The following GALK2 variants were observed in gnomAD, a reference collection of about 807,000 sequenced individuals.
GALK2 encodes N-acetylgalactosamine kinase.
A neutral mutation model predicts 52.4 loss-of-function variants in GALK2; 36 were observed. The ratio of observed to expected loss-of-function variants is 0.69; its 90% CI spans 0.53 to 0.91. The LOEUF (loss-of-function observed/expected upper bound fraction) is 0.91, where lower values mean the gene tolerates loss of function less well. Among genes scored for constraint, GALK2 ranks in the 40% least tolerant of loss-of-function variants. GALK2 has a pLI of 0.00. For missense variants in GALK2, 579 were observed against 559.1 expected, an observed-to-expected ratio of 1.04 and a Z score of -0.36; for synonymous variants, 176 against 199.1, an observed-to-expected ratio of 0.88 and a Z score of 0.98.
At chr15:49,237,753 G>T (rs1229754541) in intron 4 of GALK2, among the ~76,000 whole-genome samples, 1 of 152,130 alleles carries the variant, frequency 6.6e-6, no homozygotes, top group Non-Finnish European at 1.5e-5. Flanking sequence ...GGGATTGCAG[G>T]TGTGAGCCAC....
At chr15:49,257,798 C>T (rs1262441889) in intron 5 of GALK2, among the ~76,000 whole-genome samples, 1 of 151,652 alleles carries the variant, frequency 6.6e-6, no homozygotes, top group Non-Finnish European at 1.5e-5. Context: ...CTTAATAACC[C>T]TAGGTTTTTC....
At chr15:49,289,908 T>A (rs2033766685) in intron 7 of GALK2, among the ~76,000 whole-genome samples, 1 of 152,206 alleles carries the variant, frequency 6.6e-6, no homozygotes, top group African/African-American at 2.4e-5. Context: ...TGTTGCCTGC[T>A]TTTTTGTCCA....
At chr15:49,301,970 C>T (rs1180235914) in intron 8 of GALK2, among the ~76,000 whole-genome samples, 4 of 152,198 alleles carry the variant, frequency 2.6e-5, no homozygotes, top group African/African-American at 9.6e-5. Context: ...ATAGTTCCCA[C>T]GTGACCATTT....
At chr15:49,216,468 G>A (rs1041708729) in intron 2 of GALK2, among the ~76,000 whole-genome samples, 12 of 152,212 alleles carry the variant, frequency 7.9e-5, no homozygotes, top group African/African-American at 2.9e-4. Flanking sequence ...TGCACTTCCT[G>A]GAGTTGGGTG....
intron 5 of GALK2, among the ~76,000 whole-genome samples, chr15:49,272,772 T>C (rs2030914227): frequency 6.6e-6 from 1 of 152,148 alleles, no homozygotes; most frequent in African/African-American, 2.4e-5. Context: ...AAACCTATCA[T>C]AGACATTTCC....
rs1387706424 is a variant in GALK2, at chr15:49,170,264, G to A, written c.-59G>A. 1 of 1,552,698 alleles carries A rather than the reference G, an allele frequency of 6.4e-7. No individual in the cohort carries two copies. Among genetic ancestry groups the A allele is most frequent in the East Asian group, 2.4e-5 (1 of 41,322 alleles). ...CTCCTGTCACAGAAGTCTCGTGATT[G>A]CTCTGGGAGCTTTGCTTAGACACTT... On this transcript the variant is annotated 5_prime_UTR_variant, in exon 1 of 10. Transcript: ENST00000560031.
chr15:49,282,050 G>A lies in GALK2; in HGVS notation c.568G>A (p.Asp190Asn). 6.2e-7 allele frequency: 1 copy of A among 1,613,740 alleles called. No homozygotes were observed. Among genetic ancestry groups the A allele is most frequent in the South Asian group, 1.1e-5 (1 of 91,022 alleles). Residue 190 changes from aspartate (D) to asparagine (N), a missense_variant, in exon 6 of 10, where the codon GAC (aspartate) becomes AAC (asparagine). By Grantham distance (23) the Asp-to-Asn change is conservative (BLOSUM62 1). Transcript: ENST00000560031. The part of the protein sequence containing the change: ...RYIGTEGGGM[D>N]QSISFLAEEG... ...CATTGGCACTGAAGGAGGAGGCATGGACCAGTCTATATCATTTCTTGCAGA... is the reference window on the plus strand; with the variant it reads ...CATTGGCACTGAAGGAGGAGGCATGAACCAGTCTATATCATTTCTTGCAGA...
intron 1 of GALK2, among the ~76,000 whole-genome samples, chr15:49,162,058 A>G (rs2084669592): frequency 6.6e-6 from 1 of 152,196 alleles, no homozygotes; most frequent in Admixed American, 6.5e-5. Flanking sequence ...ATATGTATAC[A>G]CCTGTGAAAC....
At chr15:49,203,679 AT>A (rs1475693568) in intron 2 of GALK2, among the ~76,000 whole-genome samples, 14 of 152,252 alleles carry the variant, frequency 9.2e-5, no homozygotes, top group Non-Finnish European at 1.6e-4. Flanking sequence ...TAAGTCTTTA[AT>A]CCATTTTAAA....
chr15:49,191,177 A>T (rs985503312), intron 1 of GALK2, among the ~76,000 whole-genome samples: 7 of 152,114 alleles, frequency 4.6e-5, no homozygotes, highest in African/African-American at 1.7e-4. Flanking sequence ...TTAATTTCCT[A>T]TTAAGGGAGG....
At chr15:49,197,930 GT>G (rs1007012613) in intron 1 of GALK2, among the ~76,000 whole-genome samples, 5 of 151,160 alleles carry the variant, frequency 3.3e-5, no homozygotes, top group Non-Finnish European at 5.9e-5. Flanking sequence ...TGCTTTGTCA[GT>G]TTTTTTTTCC....
intron 1 of GALK2, among the ~76,000 whole-genome samples, chr15:49,185,267 A>T (rs973765784): frequency 5.3e-5 from 8 of 152,148 alleles, no homozygotes; most frequent in Non-Finnish European, 1.2e-4. Context: ...GCTTAGGATA[A>T]TGGCTTTCCA....
chr15:49,264,552 T>C (rs974351391), intron 5 of GALK2, among the ~76,000 whole-genome samples: 2 of 152,242 alleles, frequency 1.3e-5, no homozygotes, highest in Non-Finnish European at 2.9e-5. Flanking sequence ...TTTGATCGTC[T>C]GAAGCCTTCT....
At chr15:49,176,262 A>T (rs936349783) in intron 1 of GALK2, among the ~76,000 whole-genome samples, 2 of 152,342 alleles carry the variant, frequency 1.3e-5, no homozygotes, top group African/African-American at 4.8e-5. Flanking sequence ...GTAATCTGTG[A>T]TACAAAGTAC....
chr15:49,289,750 C>T (rs2033747660), intron 7 of GALK2, among the ~76,000 whole-genome samples: 1 of 152,142 alleles, frequency 6.6e-6, no homozygotes, highest in Admixed American at 6.5e-5. Flanking sequence ...CTTTCCATTC[C>T]TCTCTTAATG....
intron 1 of GALK2, chr15:49,156,889 C>G (rs540433267): frequency 9.2e-6 from 5 of 543,314 alleles, no homozygotes; most frequent in Non-Finnish European, 1.6e-5. Flanking sequence ...CTCCTCATCC[C>G]TCATCCTGTA....
At chr15:49,235,962 C>G in intron 4 of GALK2, 21 bp downstream of exon 4, 1 of 1,346,366 alleles carries the variant, frequency 7.4e-7, no homozygotes, top group Non-Finnish European at 1.1e-6. Flanking sequence ...TTATAAGGCA[C>G]TTACTACCAG....
At chr15:49,244,132 G>A (rs1273180067) in intron 5 of GALK2, among the ~76,000 whole-genome samples, 1 of 151,828 alleles carries the variant, frequency 6.6e-6, no homozygotes, top group Non-Finnish European at 1.5e-5. Flanking sequence ...AATAGAGTTG[G>A]GGCCTCTCTA....
chr15:49,239,122 C>T, intron 4 of GALK2, 99 bp from the exon 5 acceptor site: 2 of 962,360 alleles, frequency 2.1e-6, no homozygotes, highest in Non-Finnish European at 3.2e-6. Context: ...TATTATAAGT[C>T]TATTGATAGA....
Sources: gnomAD v4.1 joint callset for allele counts (sites outside exome capture counted in the v4.1 genomes callset) on GRCh38, gnomAD v4.1.1 for gene constraint, MANE v1.5 for transcripts, NCBI Gene and HGNC (gene_info 2026-07-23, HGNC 2026-07-21) for gene names.